KCNQ5: variants seen among roughly 807,000 people sequenced by gnomAD.
KCNQ5 encodes the protein potassium voltage-gated channel subfamily Q member 5.
KCNQ5 carries 30 observed loss-of-function variants against 98.2 expected under a neutral mutation model. The ratio of observed to expected loss-of-function variants is 0.31; its 90% confidence interval spans 0.23 to 0.41. The LOEUF (loss-of-function observed/expected upper bound fraction) is 0.41, where lower values mean the gene tolerates loss of function less well. KCNQ5 is among the 10% of genes least tolerant of loss of function. The pLI is 1.00. For synonymous variants in KCNQ5, 458 were observed against 449.4 expected (o/e 1.02, Z -0.24); for missense variants, 835 against 1,182.5 (o/e 0.71, Z 4.31).
chr6:73,133,232 C>T (rs1235521034), intron 9 of KCNQ5, among the ~76,000 whole-genome samples, 189 bp from the exon 10 acceptor site: 1 of 151,802 alleles, frequency 6.6e-6, no homozygotes. Context: ...AGATTGATCT[C>T]GAATGCAAAT....
At chr6:72,862,959 A>G (rs1777830972) in intron 1 of KCNQ5, among the ~76,000 whole-genome samples, 1 of 152,314 alleles carries the variant, frequency 6.6e-6, no homozygotes, top group East Asian at 1.9e-4. Context: ...AAAAATTTAT[A>G]ATTGTTTGTT....
At chr6:72,786,969 T>C (rs1773781293) in intron 1 of KCNQ5, among the ~76,000 whole-genome samples, 1 of 131,134 alleles carries the variant, frequency 7.6e-6, no homozygotes, top group African/African-American at 2.9e-5. Context: ...TGTGCCACTG[T>C]ACTCCAGCCT....
At chr6:73,042,195 G>A (rs983325486) in intron 3 of KCNQ5, 133 bp downstream of exon 3, 25 of 1,033,014 alleles carry the variant, frequency 2.4e-5, no homozygotes, top group Middle Eastern at 2.3e-4. Flanking sequence ...GCACTCTTGT[G>A]TCTTGAAAAT....
In KCNQ5 at chr6:72,677,396, TG is replaced by T. The variant is rs1487400995; in HGVS notation, c.398+54810del. The stretch of plus-strand genomic sequence containing the variant: ...ATTAGAATGACATAAAATAACTTTT[TG>T]CCCCAGGGATCTTGCAGTAAAGATT... On this transcript the variant is annotated intron_variant, in intron 1 of 13. Coordinates refer to ENST00000370398, the MANE Select transcript of KCNQ5 (RefSeq NM_019842.4). Among the ~76,000 whole-genome samples the T allele has an allele frequency of 2.6e-5, 4 of 152,210 alleles. No individual in the cohort carries two copies. The East Asian group carries it at 7.7e-4, about 29-fold the overall frequency.
chr6:73,149,299 G>C (rs977741153), intron 10 of KCNQ5, among the ~76,000 whole-genome samples: 2 of 152,136 alleles, frequency 1.3e-5, no homozygotes, highest in Non-Finnish European at 2.9e-5. Flanking sequence ...GAGCCTTTTA[G>C]GTTTTACTCA....
At chr6:72,631,649 G>T (rs2098920854) in intron 1 of KCNQ5, among the ~76,000 whole-genome samples, 1 of 152,208 alleles carries the variant, frequency 6.6e-6, no homozygotes, top group South Asian at 2.1e-4. Flanking sequence ...AGCAGTGAGG[G>T]CAGAGGCAGA....
intron 3 of KCNQ5, among the ~76,000 whole-genome samples, chr6:73,061,543 T>TCCA (rs1233466166): frequency 5.9e-5 from 9 of 152,146 alleles, no homozygotes; most frequent in Non-Finnish European, 1.2e-4. Flanking sequence ...CTTTTGTCAT[T>TCCA]GCAAAGAGGG....
At chr6:72,811,224 T>A (rs1033292903) in intron 1 of KCNQ5, among the ~76,000 whole-genome samples, 7 of 152,098 alleles carry the variant, frequency 4.6e-5, no homozygotes, top group African/African-American at 1.7e-4. Flanking sequence ...GAAGGAAAAT[T>A]GTGTTGATGG....
chr6:73,065,209 C>A (rs1220129270), intron 3 of KCNQ5, among the ~76,000 whole-genome samples: 1 of 152,134 alleles, frequency 6.6e-6, no homozygotes, highest in African/African-American at 2.4e-5. Flanking sequence ...CCTCACCTAT[C>A]CCCAGTGGTA....
At chr6:73,063,721 T>TAGATAGATAGATAGATGATAGATA (rs1554203585) in intron 3 of KCNQ5, among the ~76,000 whole-genome samples, 25 of 96,020 alleles carry the variant, frequency 2.6e-4, no homozygotes, top group Admixed American at 9.8e-4. Flanking sequence ...GATAGATAGA[T>TAGATAGATAGATAGATGATAGATA]GATAGATAGA....
chr6:73,185,106 G>A (rs1562224871), intron 11 of KCNQ5, among the ~76,000 whole-genome samples: 1 of 152,208 alleles, frequency 6.6e-6, no homozygotes, highest in African/African-American at 2.4e-5. Context: ...ACAGTGTGGT[G>A]TGTTAGGTAC....
At chr6:72,697,515 T>C (rs1449394702) in intron 1 of KCNQ5, among the ~76,000 whole-genome samples, 1 of 152,128 alleles carries the variant, frequency 6.6e-6, no homozygotes, top group Non-Finnish European at 1.5e-5. Context: ...CTGATGGTGG[T>C]AAAACAAACT....
At chr6:73,187,213 C>G (rs1455981209) in intron 11 of KCNQ5, among the ~76,000 whole-genome samples, 1 of 152,064 alleles carries the variant, frequency 6.6e-6, no homozygotes, top group African/African-American at 2.4e-5. Flanking sequence ...GTGCCCGTCA[C>G]CACACCCAGC....
At chr6:72,804,196 T>C (rs1429914996) in intron 1 of KCNQ5, among the ~76,000 whole-genome samples, 1 of 152,122 alleles carries the variant, frequency 6.6e-6, no homozygotes, top group Non-Finnish European at 1.5e-5. Flanking sequence ...CTTTCATTAT[T>C]TTTAAATATC....
At chr6:72,628,998 C>T (rs543959467) in intron 1 of KCNQ5, among the ~76,000 whole-genome samples, 2 of 152,268 alleles carry the variant, frequency 1.3e-5, no homozygotes, top group Admixed American at 6.5e-5. Context: ...TCTCTCCCCT[C>T]AACCCCAATT....
intron 1 of KCNQ5, among the ~76,000 whole-genome samples, chr6:72,832,125 G>C (rs939682652): frequency 2.6e-5 from 4 of 152,058 alleles, no homozygotes; most frequent in Admixed American, 2.6e-4. Flanking sequence ...AAAGAGTCTG[G>C]ACTAAAGATG....
At chr6:72,791,007 G>A (rs1774007236) in intron 1 of KCNQ5, among the ~76,000 whole-genome samples, 1 of 152,198 alleles carries the variant, frequency 6.6e-6, no homozygotes, top group African/African-American at 2.4e-5. Flanking sequence ...TCAATAAACA[G>A]TCAATAAGTC....
chr6:72,781,872 G>A (rs1474483026), intron 1 of KCNQ5, among the ~76,000 whole-genome samples: 1 of 152,174 alleles, frequency 6.6e-6, no homozygotes, highest in African/African-American at 2.4e-5. Flanking sequence ...TACATGATAA[G>A]CCAGTTAAGC....
intron 1 of KCNQ5, among the ~76,000 whole-genome samples, chr6:72,959,341 AT>A (rs1247657525): frequency 6.6e-6 from 1 of 152,184 alleles, no homozygotes; most frequent in East Asian, 1.9e-4. Context: ...CAACTTTCAT[AT>A]TTGGGCAAGG....
Sources: allele counts gnomAD v4.1 joint callset (sites outside exome capture counted in the v4.1 genomes callset), GRCh38; gene constraint gnomAD v4.1.1; transcripts MANE v1.5; gene names NCBI Gene and HGNC (gene_info 2026-07-23, HGNC 2026-07-21).